Variants in ZFP57 observed in about 807,000 individuals in gnomAD.
ZFP57 encodes the protein zinc finger protein 57 homolog.
A neutral mutation model predicts 15.8 loss-of-function variants in ZFP57; 12 were observed. The ratio of observed to expected loss-of-function variants is 0.76; its 90% CI spans 0.49 to 1.23. The LOEUF (loss-of-function observed/expected upper bound fraction) is 1.23. ZFP57 is among the 50% of genes most tolerant of loss of function. ZFP57 has a pLI of 0.00. For synonymous variants in ZFP57, 203 were observed against 242.3 expected, an observed-to-expected ratio of 0.84 and a Z score of 1.51; for missense variants, 536 against 654.9, an observed-to-expected ratio of 0.82 and a Z score of 1.98.
intron 1 of ZFP57, among the ~76,000 whole-genome samples, chr6:29,678,076 C>G (rs1486759865): frequency 6.6e-6 from 1 of 152,170 alleles, no homozygotes; most frequent in Non-Finnish European, 1.5e-5. Context: ...TAGTGGCACA[C>G]ATCTGTAATC....
At position 29,673,219 on chromosome 6, in the gene ZFP57, G is replaced by C. The variant is rs1428444822; in HGVS notation, c.892C>G (p.Pro298Ala). 2 of 1,613,064 alleles carry C rather than the reference G, an allele frequency of 1.2e-6. No individual in the cohort carries two copies. The highest frequency in any genetic ancestry group is 2.2e-5 in the South Asian group (2 of 91,082). Residue 298 changes from proline (P) to alanine (A), a missense_variant, in exon 5 of 5, where the codon CCA (proline) becomes GCA (alanine). By Grantham distance (27) the Pro-to-Ala change is conservative. Transcript: ENST00000376883. The surrounding 1 kb of genome is among the most constrained non-coding windows in gnomAD (Gnocchi z 4.7). ...GTCTGGAATTCAGCCTGGGTGCCTG[G>C]AATCCTCAAAGTACACTCCTGGTTT... is the stretch of plus-strand genomic sequence containing the variant. ...DGNQECTLRI[P>A]GTQAEFQTPI...
chr6:29,676,006 G>T lies in ZFP57; in HGVS notation c.177C>A (p.Asp59Glu). The T allele has an allele frequency of 2.5e-6, 4 of 1,613,430 alleles. No homozygotes were observed. The highest frequency in any genetic ancestry group is 2.5e-6 in the Non-Finnish European group (3 of 1,180,012). Residue 59 changes from aspartate (D) to glutamate (E), a missense_variant, in exon 3 of 5, where the codon GAC (aspartate) becomes GAA (glutamate). Coordinates refer to ENST00000376883, the MANE Select transcript of ZFP57 (RefSeq NM_001109809.5). ...VAVNFTQEEWDCLDASQRVLY... is the reference protein window; with the variant it reads ...VAVNFTQEEWECLDASQRVLY... ...GGACCCTCTGGCTGGCATCTAGACA[G>T]TCCCACTCTTCCTGGGTGAAATTCA...
chr6:29,678,477 G>A (rs769214305), intron 1 of ZFP57, among the ~76,000 whole-genome samples: 5 of 152,148 alleles, frequency 3.3e-5, no homozygotes, highest in Admixed American at 6.6e-5. Flanking sequence ...GAGTAGAGAC[G>A]CTGGAAATTC....
chr6:29,674,910 T>C (rs1231343388), intron 4 of ZFP57, among the ~76,000 whole-genome samples: 1 of 152,046 alleles, frequency 6.6e-6, no homozygotes. Flanking sequence ...CCCAGCACTT[T>C]GGGAGGCCGA....
rs368879630 is a variant in ZFP57 at position 29,673,120 on chromosome 6, C to T, written c.991G>A (p.Glu331Lys). The T allele has an allele frequency of 2.0e-5, 33 of 1,612,790 alleles. No homozygotes were observed. In the African/African-American group the frequency reaches 4.3e-4, roughly 21 times the overall value. The change falls in exon 5 of 5, where the codon GAA becomes AAA. Residue 331 changes from glutamate to lysine, a missense_variant. By Grantham distance (56) the Glu-to-Lys change is moderately conservative (BLOSUM62 1). Coordinates refer to ENST00000376883, the MANE Select transcript of ZFP57 (RefSeq NM_001109809.5). The surrounding 1 kb of genome is among the most constrained non-coding windows in gnomAD (Gnocchi z 4.7). ...GGACCCTCAGTTCTAAATATGGGTT[C>T]CTGGGACCTGGCCACTGGTGCATGG... is the stretch of plus-strand genomic sequence containing the variant. Reference protein sequence around the residue: ...VNHAPVARSQEPIFRTEGPMA... With the variant: ...VNHAPVARSQKPIFRTEGPMA...
chr6:29,677,768 T>TACATACAC (rs71550149), intron 1 of ZFP57, among the ~76,000 whole-genome samples: 9 of 149,634 alleles, frequency 6.0e-5, no homozygotes, highest in East Asian at 6.0e-4. Context: ...ACCAAAATTA[T>TACATACAC]ACACACACAC....
intron 4 of ZFP57, among the ~76,000 whole-genome samples, chr6:29,674,155 GGAGAA>G (rs1771936883): frequency 6.9e-6 from 1 of 144,738 alleles, no homozygotes; most frequent in Admixed American, 7.0e-5. Context: ...AGAAGGAGAA[GGAGAA>G]GAGAAGGAGA....
intron 1 of ZFP57, among the ~76,000 whole-genome samples, chr6:29,677,680 G>A (rs1378842580): frequency 6.6e-6 from 1 of 152,118 alleles, no homozygotes; most frequent in Non-Finnish European, 1.5e-5. Flanking sequence ...CACCTCGAGT[G>A]AGTCTCTTTA....
intron 1 of ZFP57, among the ~76,000 whole-genome samples, chr6:29,679,145 C>A (rs1321328792): frequency 6.6e-6 from 1 of 152,202 alleles, no homozygotes; most frequent in Non-Finnish European, 1.5e-5. Flanking sequence ...CAAGAGCAAT[C>A]ACTTATTCAG....
chr6:29,675,933 C>T lies in ZFP57; in HGVS notation c.250G>A (p.Ala84Thr). 5.0e-6 allele frequency: 8 copies of T among 1,613,080 alleles called. No homozygotes were observed. Among genetic ancestry groups the T allele is most frequent in the Non-Finnish European group, 6.8e-6 (8 of 1,180,008 alleles). Residue 84 changes from alanine (A) to threonine (T), a missense_variant and splice_region_variant, in exon 3 of 5, where the codon GCC (alanine) becomes ACC (threonine). By Grantham distance (58) the Ala-to-Thr change is moderately conservative. Coordinates refer to ENST00000376883, the MANE Select transcript of ZFP57 (RefSeq NM_001109809.5). Reference sequence around the variant, plus strand: ...TGCTGAGGGAAGCCCAGCCTCTTACCCACAGATGTTAGATTCTTAAAGGTT... The same window carrying T: ...TGCTGAGGGAAGCCCAGCCTCTTACTCACAGATGTTAGATTCTTAAAGGTT... The part of the protein sequence containing the change: ...SETFKNLTSV[A>T]RIFLHKPELI...
intron 2 of ZFP57, among the ~76,000 whole-genome samples, chr6:29,676,622 T>C (rs1185554545): frequency 6.7e-6 from 1 of 148,388 alleles, no homozygotes; most frequent in African/African-American, 2.5e-5. Flanking sequence ...GGAAAGAGGA[T>C]ATGCAGATAT....
chr6:29,678,949 C>T (rs1426761441), intron 1 of ZFP57, among the ~76,000 whole-genome samples: 1 of 152,192 alleles, frequency 6.6e-6, no homozygotes. Context: ...ATTACTTGAA[C>T]CCGTGAGGTG....
At chr6:29,680,400 G>A (rs1772283997) in intron 1 of ZFP57, among the ~76,000 whole-genome samples, 1 of 152,172 alleles carries the variant, frequency 6.6e-6, no homozygotes, top group Admixed American at 6.5e-5. Flanking sequence ...CAGTTGCAAT[G>A]CTTAGTGGGA....
At position 29,672,588 on chromosome 6, in the gene ZFP57, A is replaced by C; in HGVS notation, c.1523T>G (p.Ile508Ser). Residue 508 changes from isoleucine to serine, a missense_variant, in exon 5 of 5, where the codon ATC (isoleucine) becomes AGC (serine). Ile to Ser is a moderately radical substitution (Grantham distance 142). Coordinates refer to ENST00000376883, the MANE Select transcript of ZFP57 (RefSeq NM_001109809.5). Reference protein sequence around the residue: ...KHGGDQSPPRIHTPRRRGLRE... With the variant: ...KHGGDQSPPRSHTPRRRGLRE... ...TAGGCCTCTTCTCCTGGGGGTATGG[A>C]TCCTGGGGGGAGATTGATCACCTCC... The C allele has an allele frequency of 6.2e-7, 1 of 1,612,354 alleles. No homozygotes were observed. Among genetic ancestry groups the C allele is most frequent in the South Asian group, 1.1e-5 (1 of 91,076 alleles).
intron 2 of ZFP57, 148 bp from the exon 3 acceptor site, chr6:29,676,207 TAA>T: frequency 1.1e-6 from 1 of 886,526 alleles, no homozygotes; most frequent in Non-Finnish European, 1.7e-6. Context: ...AGAGAAATAT[TAA>T]AAGACAGACA....
chr6:29,677,520 G>A (rs1772135335), intron 1 of ZFP57, among the ~76,000 whole-genome samples, 154 bp from the exon 2 acceptor site: 3 of 152,238 alleles, frequency 2.0e-5, no homozygotes, highest in Non-Finnish European at 2.9e-5. Context: ...CTGTCTTAAG[G>A]ACCTAATGCA....
Position 29,673,190 on chromosome 6 carries a change from G to T in ZFP57, c.921C>A (p.Pro307=). The change falls in exon 5 of 5, where the codon CCC becomes CCA. Residue 307 remains proline (P), a synonymous_variant. Transcript: ENST00000376883. This position sits in a 1 kb window ranked among gnomAD's most constrained non-coding sequence, Gnocchi z 4.7. ...GGATGGACCTCTGGCTTCTGGCGAT[G>T]GGTGTCTGGAATTCAGCCTGGGTGC... ...IPGTQAEFQT[P]IARSQRSIQG... 6.2e-7 allele frequency: 1 copy of T among 1,612,940 alleles called. No individual in the cohort carries two copies. The highest frequency in any genetic ancestry group is 1.3e-5 in the African/African-American group (1 of 74,976).
At chr6:29,677,686 C>T (rs1403059050) in intron 1 of ZFP57, among the ~76,000 whole-genome samples, 1 of 152,114 alleles carries the variant, frequency 6.6e-6, no homozygotes, top group Non-Finnish European at 1.5e-5. Flanking sequence ...GAGTGAGTCT[C>T]TTTATTCTTT....
chr6:29,677,770 C>T (rs1583181927), intron 1 of ZFP57, among the ~76,000 whole-genome samples: 1 of 98,092 alleles, frequency 1.0e-5, no homozygotes, highest in African/African-American at 3.8e-5. Flanking sequence ...CAAAATTATA[C>T]ACACACACAC....
Sources: gnomAD v4.1 joint callset for allele counts (sites outside exome capture counted in the v4.1 genomes callset) on GRCh38, gnomAD v4.1.1 for gene constraint, Gnocchi (gnomAD v3.1) non-coding constraint, MANE v1.5 for transcripts, NCBI Gene and HGNC (gene_info 2026-07-23, HGNC 2026-07-21) for gene names.